Variants in COX10 observed in about 807,000 individuals in gnomAD.
COX10 encodes the protein protoheme IX farnesyltransferase, mitochondrial.
In COX10, 27 loss-of-function variants were observed where a neutral mutation model predicts 37.3. The ratio of observed to expected loss-of-function variants is 0.72; its 90% confidence interval spans 0.53 to 1.00. The LOEUF is 1.00. COX10 is among the 50% of genes least tolerant of loss of function. The probability of loss-of-function intolerance (pLI) is 0.00; values close to 1 mark genes in which losing one functional copy is unlikely to be tolerated. For missense variants in COX10, 475 were observed against 563.2 expected, an observed-to-expected ratio of 0.84 and a Z score of 1.59; for synonymous variants, 222 against 229.1, an observed-to-expected ratio of 0.97 and a Z score of 0.28.
chr17:14,207,657 C>G lies in COX10; in HGVS notation c.*444C>G, dbSNP rs1906752079. On this transcript the variant is annotated 3_prime_UTR_variant, in exon 7 of 7. Coordinates refer to ENST00000261643, the MANE Select transcript of COX10 (RefSeq NM_001303.4). The stretch of plus-strand genomic sequence containing the variant: ...TGTAGTTCTGTGAGCTCAGGTCCCT[C>G]AAAGGCCTCGGAGCACCCCCTTCCT... 1 of 159,090 alleles carries G rather than the reference C, an allele frequency of 6.3e-6. No individual in the cohort carries two copies. Among genetic ancestry groups the G allele is most frequent in the African/African-American group, 2.4e-5 (1 of 41,544 alleles). The allele number at this position is 159,090 out of a possible 1,614,324, so 9.9% of individuals were successfully genotyped here.
At chr17:14,203,112 G>A (rs2142270489) in intron 6 of COX10, among the ~76,000 whole-genome samples, 1 of 152,188 alleles carries the variant, frequency 6.6e-6, no homozygotes, top group African/African-American at 2.4e-5. Context: ...ACCCAGAATT[G>A]TGCCTACATG....
intron 4 of COX10, among the ~76,000 whole-genome samples, chr17:14,141,849 A>C (rs1332214234): frequency 1.3e-5 from 2 of 152,234 alleles, no homozygotes; most frequent in Non-Finnish European, 2.9e-5. Context: ...ACTGCCTCGC[A>C]TAAGAGTAGC....
At chr17:14,132,101 A>G (rs942637168) in intron 4 of COX10, among the ~76,000 whole-genome samples, 2 of 151,954 alleles carry the variant, frequency 1.3e-5, no homozygotes, top group African/African-American at 4.8e-5. Context: ...TTAATCATGA[A>G]CCAAATGCCA....
intron 5 of COX10, among the ~76,000 whole-genome samples, chr17:14,185,646 C>A (rs1297873404): frequency 6.6e-6 from 1 of 151,828 alleles, no homozygotes; most frequent in African/African-American, 2.4e-5. Context: ...ATTATTATTG[C>A]TTGTCCTCTT....
At chr17:14,127,742 G>A (rs879812331) in intron 4 of COX10, among the ~76,000 whole-genome samples, 33 of 152,158 alleles carry the variant, frequency 2.2e-4, no homozygotes, top group Admixed American at 2.0e-3. Flanking sequence ...AAAATTAAAA[G>A]TAATATTCTT....
chr17:14,069,712 C>T, intron 1 of COX10, 64 bp downstream of exon 1: 1 of 1,604,312 alleles, frequency 6.2e-7, no homozygotes. Flanking sequence ...CGTGCGAGGC[C>T]GTGGTTCCGG....
chr17:14,121,445 A>G (rs1045695505), intron 4 of COX10, among the ~76,000 whole-genome samples: 1 of 152,162 alleles, frequency 6.6e-6, no homozygotes, highest in African/African-American at 2.4e-5. Context: ...GTGACAATGA[A>G]AATATCATGA....
chr17:14,141,324 G>T, intron 4 of COX10, among the ~76,000 whole-genome samples: 1 of 151,888 alleles, frequency 6.6e-6, no homozygotes, highest in East Asian at 1.9e-4. Context: ...CAGATTGCCT[G>T]AGCTCAGGAG....
intron 4 of COX10, among the ~76,000 whole-genome samples, chr17:14,118,863 C>T (rs1314983148): frequency 3.3e-5 from 5 of 150,932 alleles, no homozygotes; most frequent in Non-Finnish European, 7.4e-5. Flanking sequence ...TTCTATAATA[C>T]CTGTAGTCAG....
At chr17:14,181,168 C>A (rs573923074) in intron 5 of COX10, among the ~76,000 whole-genome samples, 1 of 152,146 alleles carries the variant, frequency 6.6e-6, no homozygotes, top group African/African-American at 2.4e-5. Flanking sequence ...TAAGAGATGG[C>A]CATACAAAAG....
intron 3 of COX10, among the ~76,000 whole-genome samples, chr17:14,100,858 G>A (rs935505602): frequency 2.0e-5 from 3 of 152,110 alleles, no homozygotes. Context: ...CTATGTTAGG[G>A]TTTCTCAAGC....
chr17:14,095,723 C>A (rs183196675), intron 3 of COX10, among the ~76,000 whole-genome samples: 4 of 152,140 alleles, frequency 2.6e-5, no homozygotes, highest in Non-Finnish European at 5.9e-5. Context: ...GGTCTTCTTC[C>A]GGGCTCACTG....
intron 6 of COX10, among the ~76,000 whole-genome samples, chr17:14,201,923 T>A (rs1262918040): frequency 6.6e-6 from 1 of 152,172 alleles, no homozygotes; most frequent in Admixed American, 6.5e-5. Context: ...GAGGTCACTT[T>A]ATTTACCATC....
intron 5 of COX10, among the ~76,000 whole-genome samples, chr17:14,172,185 T>C (rs971710025): frequency 1.3e-5 from 2 of 152,148 alleles, no homozygotes; most frequent in Admixed American, 1.3e-4. Context: ...ACAAAACACA[T>C]ATCTTTGCTG....
At chr17:14,131,714 C>T (rs1329192312) in intron 4 of COX10, among the ~76,000 whole-genome samples, 1 of 152,000 alleles carries the variant, frequency 6.6e-6, no homozygotes, top group East Asian at 1.9e-4. Flanking sequence ...AAATCATTCT[C>T]CTGCAGCCTG....
intron 5 of COX10, among the ~76,000 whole-genome samples, chr17:14,172,079 C>G (rs1905487493): frequency 6.6e-6 from 1 of 152,126 alleles, no homozygotes; most frequent in Admixed American, 6.5e-5. Flanking sequence ...CAGCTGACTT[C>G]TCTGCCTTCT....
At chr17:14,076,599 C>G in intron 2 of COX10, 136 bp from the exon 3 acceptor site, 1 of 814,506 alleles carries the variant, frequency 1.2e-6, no homozygotes, top group East Asian at 2.7e-5. Flanking sequence ...AAATACATGC[C>G]GAATTAACAG....
intron 6 of COX10, among the ~76,000 whole-genome samples, chr17:14,194,263 C>T (rs1339823629): frequency 6.6e-6 from 1 of 152,042 alleles, no homozygotes; most frequent in Admixed American, 6.6e-5. Flanking sequence ...GGGCAGTTTC[C>T]TCCTGAAGAG....
chr17:14,122,052 A>C (rs1916241229), intron 4 of COX10, among the ~76,000 whole-genome samples: 1 of 152,078 alleles, frequency 6.6e-6, no homozygotes, highest in South Asian at 2.1e-4. Context: ...TTGAGATTGG[A>C]TTCTGTAGGC....
Sources: gnomAD v4.1 joint callset for allele counts (sites outside exome capture counted in the v4.1 genomes callset) on GRCh38, gnomAD v4.1.1 for gene constraint, MANE v1.5 for transcripts, NCBI Gene and HGNC (gene_info 2026-07-23, HGNC 2026-07-21) for gene names.